ZNF208: variants seen among roughly 807,000 people sequenced by gnomAD.
The protein encoded by ZNF208 is zinc finger protein 95.
In ZNF208, 10 loss-of-function variants were observed where a neutral mutation model predicts 12.1. The observed-to-expected ratio is 0.83, with a 90% confidence interval of 0.51 to 1.40. ZNF208 has a LOEUF of 1.40. Among genes scored for constraint, ZNF208 ranks in the 40% most tolerant of loss-of-function variants. The pLI, the probability that ZNF208 is intolerant of heterozygous loss-of-function variation, is 0.00. For synonymous variants in ZNF208, 497 were observed against 488.4 expected (o/e 1.02, Z -0.23); for missense variants, 1,652 against 1,485.0 (o/e 1.11, Z -1.85).
At chr19:22,008,260 A>G (rs1354484023) in intron 1 of ZNF208, among the ~76,000 whole-genome samples, 1 of 144,862 alleles carries the variant, frequency 6.9e-6, no homozygotes, top group African/African-American at 2.5e-5. Context: ...CAGAGATCAT[A>G]CCACTGCACT....
chr19:21,992,899 G>T (rs1363561169), intron 1 of ZNF208, among the ~76,000 whole-genome samples: 1 of 152,118 alleles, frequency 6.6e-6, no homozygotes, highest in Non-Finnish European at 1.5e-5. Flanking sequence ...GAAGCAGACT[G>T]GACACAGATC....
intron 1 of ZNF208, among the ~76,000 whole-genome samples, chr19:21,989,226 A>C (rs1970682878): frequency 7.5e-6 from 1 of 132,712 alleles, no homozygotes; most frequent in African/African-American, 2.8e-5. Context: ...TCCTAATGCT[A>C]TCCCTCCCCC....
intron 4 of ZNF208, among the ~76,000 whole-genome samples, chr19:21,958,960 T>C (rs1488591810): frequency 6.6e-6 from 1 of 151,992 alleles, no homozygotes; most frequent in African/African-American, 2.4e-5. Flanking sequence ...CACACACCTG[T>C]AATCCCAGTG....
rs192432753 is a variant in ZNF208, at chr19:22,008,100, C to T, written c.3+2692G>A. ...CAGCCAGATCACAAGGTCAGGAGTT[C>T]GAGAACAGCCTGGTCAATATGGTGA... On this transcript the variant is annotated intron_variant, in intron 1 of 3. Coordinates refer to ENST00000397126, the MANE Select transcript of ZNF208 (RefSeq NM_007153.3). 5.1e-3 allele frequency among the ~76,000 whole-genome samples: 758 copies of T among 150,044 alleles called. 4 individuals carry two copies. The highest frequency in any genetic ancestry group is 0.025 in the Middle Eastern group (7 of 284).
In ZNF208 at chr19:21,974,376, TATA is replaced by T. The variant is rs761973638; in HGVS notation, c.655_657del (p.Tyr219del). The stretch of plus-strand genomic sequence containing the variant: ...GGTTTCTCTCCAGTATGAGCACTCT[TATA>T]ATAAGTAAGGGTTGAGGACCAGTTA... On this transcript the variant is annotated inframe_deletion, in exon 4 of 4. Coordinates refer to ENST00000397126, the MANE Select transcript of ZNF208 (RefSeq NM_007153.3). 5.0e-6 allele frequency: 8 copies of T among 1,613,782 alleles called. No individual in the cohort carries two copies. Among genetic ancestry groups the T allele is most frequent in the South Asian group, 1.1e-5 (1 of 91,074 alleles).
rs560282006 is a variant in ZNF208 at position 21,974,091 on chromosome 19, A to G, written c.943T>C (p.Cys315Arg). The G allele has an allele frequency of 4.5e-6, 7 of 1,541,576 alleles. No individual in the cohort carries two copies. Among genetic ancestry groups the G allele is most frequent in the South Asian group, 2.5e-5 (2 of 81,590 alleles). ...AIHAGEKPYK[C>R]KECGKAFSKV... ...CTGAAGGCTTTGCCACATTCTTTAC[A>G]TTTGTAGGGCTTCTCTCCAGCATGA... Residue 315 changes from cysteine (C) to arginine (R), a missense_variant, in exon 4 of 4, where the codon TGT becomes CGT. This residue lies in a region of ZNF208 where 410 missense variants were observed against 378.2 expected (regional missense o/e 1.08). Transcript: ENST00000397126.
intron 3 of ZNF208, chr19:21,986,622 T>C (rs1351560276): frequency 1.9e-5 from 3 of 157,826 alleles, no homozygotes; most frequent in African/African-American, 7.2e-5. Context: ...TCCAGTGTTT[T>C]TTTCACAGTA....
At chr19:21,976,026 C>T (rs1970425468) in intron 3 of ZNF208, among the ~76,000 whole-genome samples, 1 of 152,058 alleles carries the variant, frequency 6.6e-6, no homozygotes, top group Admixed American at 6.6e-5. Flanking sequence ...AAGAAAACAA[C>T]ACCTAATCAT....
In ZNF208 at chr19:21,988,819, C is replaced by A; in HGVS notation, c.94G>T (p.Val32Leu). The A allele has an allele frequency of 6.2e-7, 1 of 1,614,132 alleles. No homozygotes were observed. Among genetic ancestry groups the A allele is most frequent in the Non-Finnish European group, 8.5e-7 (1 of 1,179,982 alleles). ...AGGTTTCTGTAGTTCTCTAACATCA[C>A]ATTTCTATATAAATTCTGCTGTGCA... ...DTAQQNLYRN[V>L]MLENYRNLVF... Residue 32 changes from valine to leucine, a missense_variant, in exon 2 of 4, where the codon GTG becomes TTG. Around this residue, in one of 3 missense-constraint regions of ZNF208, gnomAD observed 410 missense variants for 378.2 expected, o/e 1.08. Coordinates refer to ENST00000397126, the MANE Select transcript of ZNF208 (RefSeq NM_007153.3).
downstream of ZNF208, among the ~76,000 whole-genome samples, chr19:21,963,997 G>A (rs922630320): frequency 6.6e-6 from 1 of 151,776 alleles, no homozygotes; most frequent in Admixed American, 6.6e-5. Flanking sequence ...AATTTCAAAT[G>A]TACCACCACA....
At position 21,972,999 on chromosome 19, in the gene ZNF208, T is replaced by G. The variant is rs191964582; in HGVS notation, c.2035A>C (p.Ile679Leu). 1 of 1,613,624 alleles carries G rather than the reference T, an allele frequency of 6.2e-7. No individual in the cohort carries two copies. The highest frequency in any genetic ancestry group is 2.2e-5 in the East Asian group (1 of 44,796). Residue 679 changes from isoleucine (I) to leucine (L), a missense_variant, in exon 4 of 4, where the codon ATC (isoleucine) becomes CTC (leucine). By Grantham distance (5) the Ile-to-Leu change is conservative (BLOSUM62 2). Around this residue, in one of 3 missense-constraint regions of ZNF208, gnomAD observed 1,239 missense variants for 1,086.2 expected, o/e 1.14. Coordinates refer to ENST00000397126, the MANE Select transcript of ZNF208 (RefSeq NM_007153.3). ...TGAATTACCTTATGTTTAGTAAGGATTGAGAACTTACTAAAGGCTTTGCCA... is the reference window on the plus strand; with the variant it reads ...TGAATTACCTTATGTTTAGTAAGGAGTGAGAACTTACTAAAGGCTTTGCCA... The part of the protein sequence containing the change: ...ECGKAFSKFS[I>L]LTKHKVIHTG...
At chr19:21,964,697 T>C (rs919119071), downstream of ZNF208, among the ~76,000 whole-genome samples, 24 of 151,736 alleles carry the variant, frequency 1.6e-4, no homozygotes, top group African/African-American at 5.8e-4. Flanking sequence ...TAGCTTATTA[T>C]TACATAGAAA....
At chr19:21,976,219 G>A (rs953347931) in intron 3 of ZNF208, among the ~76,000 whole-genome samples, 6 of 151,920 alleles carry the variant, frequency 3.9e-5, no homozygotes, top group Admixed American at 1.3e-4. Context: ...TAGCAACATC[G>A]GTGACAAATT....
chr19:21,958,062 AC>A (rs1473424113), intron 4 of ZNF208, among the ~76,000 whole-genome samples: 1 of 151,416 alleles, frequency 6.6e-6, no homozygotes, highest in African/African-American at 2.4e-5. Flanking sequence ...TTCAATTCCC[AC>A]CTATGAGTGA....
chr19:21,988,325 G>T (rs1438416978), intron 2 of ZNF208, among the ~76,000 whole-genome samples: 2 of 152,014 alleles, frequency 1.3e-5, no homozygotes, highest in African/African-American at 4.8e-5. Context: ...AAAGCCTGAG[G>T]GTCATGACCA....
chr19:21,975,089 G>A lies in ZNF208; in HGVS notation c.227-282C>T, dbSNP rs565112027. ...AAAGTTTGTTAAATTTACCCAGTACGACTCTTTCTGTTCCTCAATATTACC... is the reference window on the plus strand; with the variant it reads ...AAAGTTTGTTAAATTTACCCAGTACAACTCTTTCTGTTCCTCAATATTACC... On this transcript the variant is annotated intron_variant, in intron 3 of 3. Transcript: ENST00000397126. 1.0e-3 allele frequency among the ~76,000 whole-genome samples: 157 copies of A among 152,250 alleles called. 1 individual carries two copies. Among genetic ancestry groups the A allele is most frequent in the Non-Finnish European group, 1.3e-3 (86 of 67,992 alleles).
chr19:21,949,045 A>G (rs1223980150), intron 4 of ZNF208, among the ~76,000 whole-genome samples: 1 of 152,208 alleles, frequency 6.6e-6, no homozygotes, highest in Non-Finnish European at 1.5e-5. Flanking sequence ...TAAATCAGAA[A>G]CCAGATAAAA....
chr19:21,986,049 C>A (rs187758282), intron 3 of ZNF208, among the ~76,000 whole-genome samples: 1 of 152,282 alleles, frequency 6.6e-6, no homozygotes, highest in African/African-American at 2.4e-5. Flanking sequence ...GAGCTACAAC[C>A]CTCTGAAACC....
At chr19:22,000,452 A>T (rs1970924953) in intron 1 of ZNF208, among the ~76,000 whole-genome samples, 1 of 152,236 alleles carries the variant, frequency 6.6e-6, no homozygotes, top group Non-Finnish European at 1.5e-5. Context: ...CCTACACTTG[A>T]ATAACTTTTT....
Sources: allele counts gnomAD v4.1 joint callset (sites outside exome capture counted in the v4.1 genomes callset), GRCh38; gene constraint gnomAD v4.1.1; regional missense constraint gnomAD v4.1.1; transcripts MANE v1.5; gene names NCBI Gene and HGNC (gene_info 2026-07-23, HGNC 2026-07-21).